Variants in EYS observed in about 807,000 individuals in gnomAD.
EYS encodes the protein protein eyes shut homolog.
In EYS, 250 loss-of-function variants were observed where a neutral mutation model predicts 282.1. That is an observed-to-expected ratio of 0.89 (90% CI 0.80 to 0.98). The LOEUF is 0.98. Among genes scored for constraint, EYS ranks in the 50% least tolerant of loss-of-function variants. The probability of loss-of-function intolerance (pLI) is 0.00; values close to 1 mark genes in which losing one functional copy is unlikely to be tolerated. For synonymous variants in EYS, 1,355 were observed against 1,282.9 expected (o/e 1.06, Z -1.20); for missense variants, 4,016 against 3,709.0 (o/e 1.08, Z -2.15).
intron 30 of EYS, among the ~76,000 whole-genome samples, chr6:64,304,741 G>T (rs1228951319): frequency 6.6e-6 from 1 of 152,154 alleles, no homozygotes; most frequent in African/African-American, 2.4e-5. Flanking sequence ...TTATAAATTT[G>T]TGGAAACTGA....
intron 35 of EYS, among the ~76,000 whole-genome samples, chr6:63,876,554 C>G (rs1456460755): frequency 1.3e-5 from 2 of 152,074 alleles, no homozygotes; most frequent in African/African-American, 4.8e-5. Context: ...ATGGATCTGT[C>G]TAATATTGAC....
intron 26 of EYS, among the ~76,000 whole-genome samples, chr6:64,553,798 GA>G (rs1218356309): frequency 6.6e-6 from 1 of 151,964 alleles, no homozygotes; most frequent in African/African-American, 2.4e-5. Context: ...ATACACCAAA[GA>G]AAATGTATTC....
chr6:64,323,485 G>A (rs755109967), intron 29 of EYS, among the ~76,000 whole-genome samples: 3 of 152,008 alleles, frequency 2.0e-5, no homozygotes, highest in Non-Finnish European at 4.4e-5. Context: ...GATGTTTCAT[G>A]TACAGATTTG....
At chr6:63,812,558 G>A (rs1456469624) in intron 36 of EYS, among the ~76,000 whole-genome samples, 1 of 151,990 alleles carries the variant, frequency 6.6e-6, no homozygotes, top group Non-Finnish European at 1.5e-5. Flanking sequence ...ATTCCACTAG[G>A]GCAGAGAGCT....
chr6:64,918,837 A>G (rs1230639581), intron 15 of EYS, among the ~76,000 whole-genome samples: 1 of 152,234 alleles, frequency 6.6e-6, no homozygotes, highest in African/African-American at 2.4e-5. Context: ...AATAAATTGC[A>G]TGATTTCAGA....
At chr6:64,155,080 G>A (rs917781557) in intron 31 of EYS, among the ~76,000 whole-genome samples, 1 of 152,152 alleles carries the variant, frequency 6.6e-6, no homozygotes, top group Admixed American at 6.5e-5. Context: ...TTGGGTAGTC[G>A]AGGAGAATGG....
intron 12 of EYS, among the ~76,000 whole-genome samples, chr6:65,191,765 T>C (rs1311394000): frequency 2.0e-5 from 3 of 151,946 alleles, no homozygotes; most frequent in South Asian, 4.1e-4. Context: ...TAGATTGATA[T>C]GCTAACTTAC....
rs1773054504 is a variant in EYS at position 64,107,285 on chromosome 6, T to TTATATATATATATATATATATATATTTA, written c.6425-25284_6425-25283insTAAATATATATATATATATATATATATA. Among the ~76,000 whole-genome samples, 19 of 101,492 alleles carry TTATATATATATATATATATATATATTTA rather than the reference T, an allele frequency of 1.9e-4. No individual in the cohort carries two copies. In the East Asian group the frequency reaches 2.1e-3, roughly 11 times the overall value. 66.6% of individuals were successfully genotyped at this position (101,492 alleles called of 152,430 possible). On this transcript the variant is annotated intron_variant, in intron 31 of 42. Transcript: ENST00000503581. ...TGTGTGTGTGTGTATATATATATATTTATATATATATATATATATATATAT... is the reference window on the plus strand; with the variant it reads ...TGTGTGTGTGTGTATATATATATATTTATATATATATATATATATATATATTTATATATATATATATATATATATATAT...
chr6:65,430,769 C>T (rs1158547791), intron 5 of EYS, among the ~76,000 whole-genome samples: 1 of 152,160 alleles, frequency 6.6e-6, no homozygotes, highest in Non-Finnish European at 1.5e-5. Context: ...CATTTCTAGG[C>T]ACATCCTGGG....
chr6:63,724,299 A>T (rs888145608), intron 42 of EYS, among the ~76,000 whole-genome samples: 8 of 152,238 alleles, frequency 5.3e-5, no homozygotes, highest in Admixed American at 3.3e-4. Flanking sequence ...TTTATTATAG[A>T]TAAGAGAAAC....
At chr6:65,488,590 T>C (rs1039095056) in intron 5 of EYS, among the ~76,000 whole-genome samples, 1 of 152,156 alleles carries the variant, frequency 6.6e-6, no homozygotes, top group African/African-American at 2.4e-5. Flanking sequence ...CCCATCAAGC[T>C]ACCACTGACT....
chr6:65,298,258 T>C (rs1022586715), intron 11 of EYS, among the ~76,000 whole-genome samples: 2 of 152,000 alleles, frequency 1.3e-5, no homozygotes, highest in Non-Finnish European at 2.9e-5. Flanking sequence ...CTAGCTCAGA[T>C]ACTATAACAA....
At chr6:64,097,302 C>G (rs1156421093) in intron 31 of EYS, among the ~76,000 whole-genome samples, 1 of 152,212 alleles carries the variant, frequency 6.6e-6, no homozygotes. Context: ...ACATTTAAGT[C>G]TGCAGAGGTT....
At chr6:64,792,158 T>C (rs1318748992) in intron 22 of EYS, among the ~76,000 whole-genome samples, 1 of 151,896 alleles carries the variant, frequency 6.6e-6, no homozygotes, top group African/African-American at 2.4e-5. Context: ...TATGGTATGA[T>C]GTCAGGTGGA....
At chr6:64,660,865 T>G (rs1425756219) in intron 22 of EYS, among the ~76,000 whole-genome samples, 1 of 152,174 alleles carries the variant, frequency 6.6e-6, no homozygotes, top group African/African-American at 2.4e-5. Flanking sequence ...AATTACTTTC[T>G]TCACAGAATT....
chr6:65,299,248 G>A (rs1768748441), intron 11 of EYS, among the ~76,000 whole-genome samples: 2 of 151,988 alleles, frequency 1.3e-5, no homozygotes, highest in South Asian at 4.1e-4. Context: ...TTTTTGCAAA[G>A]TTACTGGTCA....
At chr6:64,918,975 C>A (rs1768250200) in intron 15 of EYS, among the ~76,000 whole-genome samples, 1 of 152,052 alleles carries the variant, frequency 6.6e-6, no homozygotes, top group Non-Finnish European at 1.5e-5. Flanking sequence ...GCCTTCTCTG[C>A]TGAAATATAA....
chr6:64,374,497 G>A (rs1772501398), intron 29 of EYS, among the ~76,000 whole-genome samples: 1 of 152,086 alleles, frequency 6.6e-6, no homozygotes, highest in African/African-American at 2.4e-5. Context: ...ATGCCCCTGG[G>A]CACTCTCACT....
chr6:64,435,927 T>C (rs1774725761), intron 28 of EYS, among the ~76,000 whole-genome samples: 1 of 151,912 alleles, frequency 6.6e-6, no homozygotes, highest in South Asian at 2.1e-4. Context: ...ATGAGAAAAA[T>C]ATGAGGCTTT....
Sources: allele counts gnomAD v4.1 joint callset (sites outside exome capture counted in the v4.1 genomes callset), GRCh38; gene constraint gnomAD v4.1.1; transcripts MANE v1.5; gene names NCBI Gene and HGNC (gene_info 2026-07-23, HGNC 2026-07-21).